The following PRKCI variants were observed in gnomAD, a reference collection of about 807,000 sequenced individuals.
PRKCI encodes protein kinase C iota.
A neutral mutation model predicts 84.0 loss-of-function variants in PRKCI; 43 were observed. That is an observed-to-expected ratio of 0.51 (90% CI 0.40 to 0.66). The LOEUF (loss-of-function observed/expected upper bound fraction) is 0.66, where lower values mean the gene tolerates loss of function less well. Ranked by LOEUF, PRKCI falls within the 30% of genes least tolerant of loss-of-function variation. The pLI, the probability that PRKCI is intolerant of heterozygous loss-of-function variation, is 0.00. For synonymous variants in PRKCI, 216 were observed against 234.4 expected, an observed-to-expected ratio of 0.92 and a Z score of 0.72; for missense variants, 459 against 745.6, an observed-to-expected ratio of 0.62 and a Z score of 4.48.
intron 3 of PRKCI, among the ~76,000 whole-genome samples, chr3:170,262,832 C>CTTTTT (rs748452040): frequency 1.5e-5 from 2 of 132,996 alleles, no homozygotes; most frequent in Admixed American, 7.6e-5. Flanking sequence ...TTCTTTCTTT[C>CTTTTT]TTTTTTTTTT....
intron 17 of PRKCI, 41 bp downstream of exon 17, chr3:170,299,151 T>C (rs1355825149): frequency 4.0e-6 from 5 of 1,241,692 alleles, no homozygotes; most frequent in Non-Finnish European, 5.6e-6. Context: ...TTAAGTTCTT[T>C]GGAAATCCCA....
chr3:170,267,536 G>A (rs1212444170), intron 4 of PRKCI, among the ~76,000 whole-genome samples: 1 of 151,912 alleles, frequency 6.6e-6, no homozygotes, highest in Non-Finnish European at 1.5e-5. Flanking sequence ...AGCTGAGCAT[G>A]GTGGTGCATC....
intron 2 of PRKCI, among the ~76,000 whole-genome samples, chr3:170,253,862 C>T (rs1035297117): frequency 1.3e-5 from 2 of 151,610 alleles, no homozygotes; most frequent in Admixed American, 6.6e-5. Context: ...TTTGGGAGGC[C>T]GAGGCGGGCG....
chr3:170,254,787 G>T (rs115567154), intron 2 of PRKCI, among the ~76,000 whole-genome samples: 2 of 152,014 alleles, frequency 1.3e-5, no homozygotes, highest in Non-Finnish European at 2.9e-5. Context: ...TTTTGTTCAG[G>T]CTAGCTTTGG....
intron 17 of PRKCI, among the ~76,000 whole-genome samples, chr3:170,300,911 G>A (rs1734803646): frequency 6.6e-6 from 1 of 152,042 alleles, no homozygotes; most frequent in Non-Finnish European, 1.5e-5. Context: ...TTCCTCTCAT[G>A]TGTTTTCCCT....
At chr3:170,257,772 C>T (rs904847242) in intron 2 of PRKCI, among the ~76,000 whole-genome samples, 24 of 151,330 alleles carry the variant, frequency 1.6e-4, no homozygotes, top group African/African-American at 5.8e-4. Context: ...TCAAGCGATT[C>T]GCCTGCCTTA....
At chr3:170,285,455 A>G (rs1376880944) in intron 12 of PRKCI, among the ~76,000 whole-genome samples, 1 of 152,132 alleles carries the variant, frequency 6.6e-6, no homozygotes, top group African/African-American at 2.4e-5. Flanking sequence ...ATGTGTAAGG[A>G]ACTATTCCTT....
rs376280604 is a variant in PRKCI, at chr3:170,251,884, T to C, written c.224-8085T>C. On this transcript the variant is annotated intron_variant, in intron 2 of 17. Coordinates refer to ENST00000295797, the MANE Select transcript of PRKCI (RefSeq NM_002740.6). Reference sequence around the variant, plus strand: ...GAGATCACGCCACTGCACTCCAGCCTGGGCAACAACAAGACTGTCTCAAAA... The same window carrying C: ...GAGATCACGCCACTGCACTCCAGCCCGGGCAACAACAAGACTGTCTCAAAA... Among the ~76,000 whole-genome samples the C allele has an allele frequency of 2.6e-4, 39 of 150,208 alleles. No homozygotes were observed. The East Asian group carries it at 4.9e-3, about 19-fold the overall frequency.
At chr3:170,246,570 C>G (rs1285578061) in intron 2 of PRKCI, among the ~76,000 whole-genome samples, 1 of 152,186 alleles carries the variant, frequency 6.6e-6, no homozygotes, top group Non-Finnish European at 1.5e-5. Flanking sequence ...GTTAGGATTA[C>G]AGGCATGAGC....
intron 9 of PRKCI, among the ~76,000 whole-genome samples, chr3:170,280,964 T>C (rs1218060358): frequency 6.6e-6 from 1 of 152,184 alleles, no homozygotes; most frequent in Non-Finnish European, 1.5e-5. Context: ...TTTGTAAAAG[T>C]TTTCTAGACA....
chr3:170,246,636 C>A (rs181220373), intron 2 of PRKCI, among the ~76,000 whole-genome samples: 1 of 152,064 alleles, frequency 6.6e-6, no homozygotes, highest in Admixed American at 6.5e-5. Flanking sequence ...AACTAGTGTA[C>A]CCTTTAAAAA....
rs9816698 is a variant in PRKCI at position 170,281,570 on chromosome 3, A to G, written c.980+307A>G. The G allele has an allele frequency of 5.7e-3, 2,294 of 404,178 alleles. 44 individuals carry two copies. Among genetic ancestry groups the G allele is most frequent in the African/African-American group, 0.043 (2,096 of 49,066 alleles). 25.0% of individuals were successfully genotyped at this position (404,178 alleles called of 1,614,324 possible). ...ACTTAAAATTTTCTAGCATTTAACA[A>G]GGAGGAAAAATACCTTGACAGTCGA... On this transcript the variant is annotated intron_variant, in intron 10 of 17. Transcript: ENST00000295797.
intron 1 of PRKCI, among the ~76,000 whole-genome samples, chr3:170,223,111 TG>T (rs1423842481): frequency 6.6e-6 from 1 of 152,112 alleles, no homozygotes; most frequent in Non-Finnish European, 1.5e-5. Context: ...TGGGTGTATT[TG>T]GGGTTGCGAG....
At chr3:170,279,361 C>T (rs1427875107) in intron 8 of PRKCI, among the ~76,000 whole-genome samples, 2 of 152,178 alleles carry the variant, frequency 1.3e-5, no homozygotes, top group Non-Finnish European at 2.9e-5. Flanking sequence ...TTTAAGTTGT[C>T]ATTCTCACTC....
At chr3:170,272,698 G>A (rs550743981) in intron 6 of PRKCI, among the ~76,000 whole-genome samples, 2 of 152,226 alleles carry the variant, frequency 1.3e-5, no homozygotes, top group Admixed American at 6.5e-5. Flanking sequence ...TTTTCCTGCT[G>A]GTATTCATTA....
chr3:170,262,066 T>C (rs866462404), intron 3 of PRKCI, among the ~76,000 whole-genome samples: 1 of 152,232 alleles, frequency 6.6e-6, no homozygotes, highest in Non-Finnish European at 1.5e-5. Flanking sequence ...TAGTCTGTGC[T>C]CTTTATTAAA....
intron 3 of PRKCI, among the ~76,000 whole-genome samples, chr3:170,261,515 A>T (rs1035601727): frequency 6.7e-6 from 1 of 148,698 alleles, no homozygotes; most frequent in Admixed American, 6.7e-5. Flanking sequence ...ACACAGTTTC[A>T]CTCTGTTGCC....
intron 8 of PRKCI, 140 bp downstream of exon 8, chr3:170,275,427 T>G (rs1577364034): frequency 1.4e-6 from 1 of 713,728 alleles, no homozygotes; most frequent in East Asian, 3.1e-5. Context: ...GATTCCAGAG[T>G]TTTATTCTGA....
intron 2 of PRKCI, among the ~76,000 whole-genome samples, chr3:170,246,269 C>T (rs1002555862): frequency 3.3e-5 from 5 of 152,156 alleles, no homozygotes; most frequent in African/African-American, 4.8e-5. Context: ...TCTCTTGCCT[C>T]AGCCTCCTGA....
Sources: allele counts gnomAD v4.1 joint callset (sites outside exome capture counted in the v4.1 genomes callset), GRCh38; gene constraint gnomAD v4.1.1; transcripts MANE v1.5; gene names NCBI Gene and HGNC (gene_info 2026-07-23, HGNC 2026-07-21).